Variants in DSCAM observed in about 807,000 individuals in gnomAD.
DSCAM encodes DS cell adhesion molecule.
In DSCAM, 47 loss-of-function variants were observed where a neutral mutation model predicts 217.7. That is an observed-to-expected ratio of 0.22 (90% confidence interval 0.17 to 0.28). The LOEUF (loss-of-function observed/expected upper bound fraction) is 0.28, where lower values mean the gene tolerates loss of function less well. Among genes scored for constraint, DSCAM ranks in the 10% least tolerant of loss-of-function variants. The pLI is 1.00. For synonymous variants in DSCAM, 1,056 were observed against 1,015.3 expected (o/e 1.04, Z -0.76); for missense variants, 2,080 against 2,618.3 (o/e 0.79, Z 4.49).
chr21:40,301,530 G>C (rs2074013926), intron 9 of DSCAM, among the ~76,000 whole-genome samples: 1 of 125,092 alleles, frequency 8.0e-6, no homozygotes, highest in South Asian at 2.3e-4. Flanking sequence ...CACTCAGTCA[G>C]GCACATTTGT....
chr21:40,307,920 C>T (rs113168647), intron 9 of DSCAM, among the ~76,000 whole-genome samples: 6,930 of 129,330 alleles, frequency 0.054, 198 homozygotes, highest in East Asian at 0.1. Flanking sequence ...ACATCACACT[C>T]TGGGGACTGT....
chr21:40,324,707 G>A (rs1047717387), intron 8 of DSCAM, among the ~76,000 whole-genome samples: 1 of 152,100 alleles, frequency 6.6e-6, no homozygotes, highest in Non-Finnish European at 1.5e-5. Flanking sequence ...GTTTCCCCTG[G>A]TTGAGAGCAA....
At chr21:40,445,350 C>T (rs537288696) in intron 3 of DSCAM, among the ~76,000 whole-genome samples, 1 of 152,330 alleles carries the variant, frequency 6.6e-6, no homozygotes, top group South Asian at 2.1e-4. Flanking sequence ...GATAATGCAA[C>T]ATTGGTTCTG....
At chr21:40,709,820 AG>A (rs2146485742) in intron 1 of DSCAM, among the ~76,000 whole-genome samples, 2 of 152,320 alleles carry the variant, frequency 1.3e-5, no homozygotes, top group African/African-American at 4.8e-5. Context: ...GTGTCTTTAT[AG>A]TACAATAATT....
intron 3 of DSCAM, among the ~76,000 whole-genome samples, chr21:40,471,659 T>G (rs1483555251): frequency 6.6e-6 from 1 of 152,204 alleles, no homozygotes; most frequent in Non-Finnish European, 1.5e-5. Flanking sequence ...GAGCCAGCAC[T>G]GGCTCCCAAG....
chr21:40,177,624 T>G (rs1324154384), intron 15 of DSCAM, among the ~76,000 whole-genome samples: 1 of 152,186 alleles, frequency 6.6e-6, no homozygotes, highest in Non-Finnish European at 1.5e-5. Flanking sequence ...AAAATGATCT[T>G]GGAGATAGCA....
intron 1 of DSCAM, among the ~76,000 whole-genome samples, chr21:40,740,926 G>A (rs907392944): frequency 9.2e-5 from 14 of 152,222 alleles, no homozygotes; most frequent in African/African-American, 2.4e-4. Flanking sequence ...TCTAGGTTAG[G>A]CAGCTTATAG....
At chr21:40,205,155 C>T (rs2091110769) in intron 11 of DSCAM, among the ~76,000 whole-genome samples, 1 of 152,186 alleles carries the variant, frequency 6.6e-6, no homozygotes, top group Admixed American at 6.5e-5. Flanking sequence ...AAGGTCCCTC[C>T]CAGGGGAGAC....
At chr21:40,298,484 T>C (rs1949002496) in intron 9 of DSCAM, among the ~76,000 whole-genome samples, 1 of 152,220 alleles carries the variant, frequency 6.6e-6, no homozygotes, top group South Asian at 2.1e-4. Context: ...GCAATGTTAC[T>C]TCATGTAGAT....
intron 11 of DSCAM, among the ~76,000 whole-genome samples, chr21:40,219,677 A>C (rs2091273822): frequency 6.6e-6 from 1 of 152,186 alleles, no homozygotes; most frequent in Non-Finnish European, 1.5e-5. Context: ...TTTCCTGCCA[A>C]ATGATATATC....
intron 8 of DSCAM, among the ~76,000 whole-genome samples, chr21:40,318,663 C>T (rs140888551): frequency 4.6e-5 from 7 of 152,290 alleles, no homozygotes; most frequent in Non-Finnish European, 5.9e-5. Context: ...GGCTGCTGGT[C>T]CCGTGACCTG....
intron 1 of DSCAM, among the ~76,000 whole-genome samples, chr21:40,755,444 C>T (rs2091265929): frequency 7.5e-6 from 1 of 133,626 alleles, no homozygotes; most frequent in Admixed American, 8.4e-5. Context: ...AGGCTCTGTC[C>T]CCACCTGCTA....
intron 3 of DSCAM, among the ~76,000 whole-genome samples, chr21:40,389,972 T>C (rs990626517): frequency 6.6e-6 from 1 of 152,198 alleles, no homozygotes; most frequent in Non-Finnish European, 1.5e-5. Flanking sequence ...TCATCAGGCA[T>C]CATTGAGAAT....
intron 1 of DSCAM, among the ~76,000 whole-genome samples, chr21:40,840,585 T>G (rs552999912): frequency 6.6e-6 from 1 of 152,286 alleles, no homozygotes; most frequent in South Asian, 2.1e-4. Context: ...AGCAATTACA[T>G]AGCTGTTGTG....
chr21:40,040,926 CGA>C (rs1491183999), intron 32 of DSCAM, among the ~76,000 whole-genome samples: 4 of 115,044 alleles, frequency 3.5e-5, no homozygotes, highest in Non-Finnish European at 5.2e-5. Context: ...GCCAACAACA[CGA>C]AAAAAAAAAA....
At chr21:40,560,476 G>A (rs753266462) in intron 3 of DSCAM, among the ~76,000 whole-genome samples, 7 of 152,140 alleles carry the variant, frequency 4.6e-5, no homozygotes, top group Non-Finnish European at 7.3e-5. Flanking sequence ...CACCCCATCC[G>A]TACTGAACCA....
chr21:40,129,242 T>C (rs1369678816), intron 19 of DSCAM, among the ~76,000 whole-genome samples: 1 of 152,206 alleles, frequency 6.6e-6, no homozygotes, highest in Non-Finnish European at 1.5e-5. Flanking sequence ...GCCGTGCAGA[T>C]GCTACGATCC....
At chr21:40,695,080 A>C (rs1388798691) in intron 2 of DSCAM, among the ~76,000 whole-genome samples, 2 of 152,172 alleles carry the variant, frequency 1.3e-5, no homozygotes, top group Non-Finnish European at 2.9e-5. Flanking sequence ...TCTTTGCAAT[A>C]AAATCACTCT....
chr21:40,082,992 C>T (rs1211923610), intron 24 of DSCAM, among the ~76,000 whole-genome samples: 1 of 152,166 alleles, frequency 6.6e-6, no homozygotes, highest in Non-Finnish European at 1.5e-5. Context: ...AAAGGATGTT[C>T]TCTGCCTTAG....
Sources: allele counts gnomAD v4.1 joint callset (sites outside exome capture counted in the v4.1 genomes callset), GRCh38; gene constraint gnomAD v4.1.1; transcripts MANE v1.5; gene names NCBI Gene and HGNC (gene_info 2026-07-23, HGNC 2026-07-21).